Variants in TBC1D32 observed in about 807,000 individuals in gnomAD.
TBC1D32 encodes the protein protein broad-minded.
Under a neutral mutation model 170.3 loss-of-function variants are expected in TBC1D32, and 151 were observed. The observed-to-expected ratio is 0.89, with a 90% CI of 0.78 to 1.01. TBC1D32 has a LOEUF of 1.01. Ranked by LOEUF, TBC1D32 falls within the 50% of genes least tolerant of loss-of-function variation. The pLI, the probability that TBC1D32 is intolerant of heterozygous loss-of-function variation, is 0.00. For synonymous variants in TBC1D32, 498 were observed against 488.0 expected, an observed-to-expected ratio of 1.02 and a Z score of -0.27; for missense variants, 1,464 against 1,457.1, an observed-to-expected ratio of 1.00 and a Z score of -0.08.
intron 24 of TBC1D32, among the ~76,000 whole-genome samples, chr6:121,149,008 T>A (rs1322030037): frequency 6.6e-6 from 1 of 151,856 alleles, no homozygotes; most frequent in African/African-American, 2.4e-5. Flanking sequence ...TAATGGCCAG[T>A]GATGATGAGC....
At chr6:121,142,119 T>A (rs1782866727) in intron 24 of TBC1D32, among the ~76,000 whole-genome samples, 1 of 152,224 alleles carries the variant, frequency 6.6e-6, no homozygotes, top group Admixed American at 6.5e-5. Context: ...ATCGCCAGCT[T>A]AGGGGGGCTG....
intron 10 of TBC1D32, 131 bp downstream of exon 10, chr6:121,299,315 T>C: frequency 8.2e-6 from 8 of 979,992 alleles, no homozygotes; most frequent in Non-Finnish European, 1.2e-5. Flanking sequence ...TAGTTTAAGA[T>C]CACATAAAAG....
intron 30 of TBC1D32, among the ~76,000 whole-genome samples, chr6:121,098,581 C>T (rs1396129788): frequency 6.6e-6 from 1 of 152,020 alleles, no homozygotes; most frequent in Non-Finnish European, 1.5e-5. Flanking sequence ...ATTTCTGTTG[C>T]ACTTCTAGGC....
At chr6:121,108,074 A>T (rs886172164) in intron 29 of TBC1D32, among the ~76,000 whole-genome samples, 2 of 152,092 alleles carry the variant, frequency 1.3e-5, no homozygotes, top group Non-Finnish European at 2.9e-5. Context: ...AGAAGAAAAT[A>T]CACTAATGAT....
chr6:121,294,727 T>A, intron 10 of TBC1D32, 67 bp from the exon 11 acceptor site: 1 of 1,179,580 alleles, frequency 8.5e-7, no homozygotes, highest in Non-Finnish European at 1.3e-6. Flanking sequence ...TAAAAGAAAT[T>A]AGTCAAAGCT....
chr6:121,146,335 G>A (rs995604958), intron 24 of TBC1D32, among the ~76,000 whole-genome samples: 5 of 152,166 alleles, frequency 3.3e-5, no homozygotes, highest in Non-Finnish European at 5.9e-5. Flanking sequence ...ATGGAATGTA[G>A]CGCACAAATG....
intron 24 of TBC1D32, among the ~76,000 whole-genome samples, chr6:121,142,547 A>G (rs1395876949): frequency 2.6e-5 from 4 of 152,336 alleles, no homozygotes; most frequent in African/African-American, 9.6e-5. Flanking sequence ...TAAACATTAT[A>G]AAAGTATTTT....
chr6:121,312,102 C>A (rs1583700611), intron 3 of TBC1D32, among the ~76,000 whole-genome samples: 1 of 152,072 alleles, frequency 6.6e-6, no homozygotes, highest in African/African-American at 2.4e-5. Context: ...AACAAAAAAC[C>A]AAACACCGCA....
intron 22 of TBC1D32, among the ~76,000 whole-genome samples, chr6:121,190,110 AC>A: frequency 6.8e-6 from 1 of 146,062 alleles, no homozygotes. Flanking sequence ...ACACACACAC[AC>A]ACACACACAC....
At chr6:121,118,538 C>T (rs1779919026) in intron 26 of TBC1D32, among the ~76,000 whole-genome samples, 2 of 152,162 alleles carry the variant, frequency 1.3e-5, no homozygotes. Flanking sequence ...CTAGCACATA[C>T]AACAGCAGTA....
intron 24 of TBC1D32, among the ~76,000 whole-genome samples, chr6:121,150,402 T>C (rs1476665828): frequency 6.6e-6 from 1 of 152,244 alleles, no homozygotes; most frequent in South Asian, 2.1e-4. Flanking sequence ...TGGGTTCAGT[T>C]TGCCAGTATT....
Position 121,239,183 on chromosome 6 carries a change from TA to T in TBC1D32, c.2250del (p.Phe750LeufsTer6). 1.3e-6 allele frequency: 2 copies of T among 1,548,768 alleles called. No individual in the cohort carries two copies. Among genetic ancestry groups the T allele is most frequent in the Non-Finnish European group, 1.8e-6 (2 of 1,126,576 alleles). On this transcript the variant is annotated frameshift_variant, in exon 20 of 32. Coordinates refer to ENST00000398212, the MANE Select transcript of TBC1D32 (RefSeq NM_152730.6). LOFTEE classifies it high-confidence loss of function. ...AGGIALKKSG[F>X]INELITELWS... Reference sequence around the variant, plus strand: ...CATAATTCAGTTATAAGTTCATTAATAAACCCTAAAAAGAATTATTACTTCA... The same window carrying T: ...CATAATTCAGTTATAAGTTCATTAATAACCCTAAAAAGAATTATTACTTCA...
intron 24 of TBC1D32, among the ~76,000 whole-genome samples, chr6:121,147,986 G>A (rs1007134229): frequency 2.3e-5 from 3 of 128,208 alleles, no homozygotes; most frequent in African/African-American, 8.1e-5. Context: ...ATATTTGTTT[G>A]TTGGTTGGTT....
intron 17 of TBC1D32, among the ~76,000 whole-genome samples, chr6:121,254,028 C>T (rs769925427): frequency 1.3e-5 from 2 of 151,504 alleles, no homozygotes; most frequent in African/African-American, 2.4e-5. Flanking sequence ...AAATGTGGTA[C>T]ATATATGCCA....
At chr6:121,102,373 A>G (rs908686892) in intron 30 of TBC1D32, among the ~76,000 whole-genome samples, 1 of 152,298 alleles carries the variant, frequency 6.6e-6, no homozygotes, top group South Asian at 2.1e-4. Flanking sequence ...ACAGCATGGT[A>G]CTGGTACCAA....
At chr6:121,247,705 A>AAAAAAAAAAAAAG (rs1797792592) in intron 17 of TBC1D32, among the ~76,000 whole-genome samples, 1 of 149,150 alleles carries the variant, frequency 6.7e-6, no homozygotes, top group African/African-American at 2.5e-5. Flanking sequence ...CAAAAAAAAA[A>AAAAAAAAAAAAAG]AAAAAAAAAA....
chr6:121,127,283 T>C (rs1225270470), intron 25 of TBC1D32, among the ~76,000 whole-genome samples: 1 of 152,150 alleles, frequency 6.6e-6, no homozygotes, highest in Non-Finnish European at 1.5e-5. Flanking sequence ...GAACAATTAG[T>C]GTTCAACAGG....
intron 22 of TBC1D32, among the ~76,000 whole-genome samples, chr6:121,161,574 A>G (rs1785667132): frequency 6.6e-6 from 1 of 151,970 alleles, no homozygotes; most frequent in Admixed American, 6.5e-5. Context: ...TATGTATCAC[A>G]TTTTCTATCA....
chr6:121,271,329 G>A (rs146181623), intron 15 of TBC1D32, among the ~76,000 whole-genome samples: 3,644 of 152,248 alleles, frequency 0.024, 159 homozygotes, highest in East Asian at 0.12. Context: ...AATTGTCCCT[G>A]TTTGCAGATG....
Sources: allele counts gnomAD v4.1 joint callset (sites outside exome capture counted in the v4.1 genomes callset), GRCh38; gene constraint gnomAD v4.1.1; transcripts MANE v1.5; gene names NCBI Gene and HGNC (gene_info 2026-07-23, HGNC 2026-07-21).